The following ITGBL1 variants were observed in gnomAD, a reference collection of about 807,000 sequenced individuals.
ITGBL1 encodes integrin beta-like protein 1.
Under a neutral mutation model 68.5 loss-of-function variants are expected in ITGBL1, and 51 were observed. The ratio of observed to expected loss-of-function variants is 0.74; its 90% CI spans 0.59 to 0.94. The LOEUF (loss-of-function observed/expected upper bound fraction) is 0.94, where lower values mean the gene tolerates loss of function less well. Among genes scored for constraint, ITGBL1 ranks in the 40% least tolerant of loss-of-function variants. The probability of loss-of-function intolerance (pLI) is 0.00; values close to 1 mark genes in which losing one functional copy is unlikely to be tolerated. For missense variants in ITGBL1, 649 were observed against 647.4 expected, an observed-to-expected ratio of 1.00 and a Z score of -0.03; for synonymous variants, 209 against 227.3, an observed-to-expected ratio of 0.92 and a Z score of 0.72.
chr13:101,701,867 G>C (rs1224999255), intron 8 of ITGBL1, among the ~76,000 whole-genome samples: 1 of 152,148 alleles, frequency 6.6e-6, no homozygotes, highest in Non-Finnish European at 1.5e-5. Context: ...TGTTTTATGG[G>C]TGCTTAGTTT....
chr13:101,601,827 A>G (rs1009629928), intron 7 of ITGBL1, among the ~76,000 whole-genome samples: 5 of 152,092 alleles, frequency 3.3e-5, no homozygotes, highest in Non-Finnish European at 5.9e-5. Flanking sequence ...CTGTTCTTTT[A>G]CATTTGCTGA....
At chr13:101,654,610 G>A (rs1393580862) in intron 7 of ITGBL1, among the ~76,000 whole-genome samples, 2 of 152,138 alleles carry the variant, frequency 1.3e-5, no homozygotes, top group African/African-American at 4.8e-5. Flanking sequence ...CTGACTCGAT[G>A]GTGGCATGGG....
intron 2 of ITGBL1, among the ~76,000 whole-genome samples, chr13:101,552,919 T>C (rs1225980005): frequency 6.6e-6 from 1 of 152,214 alleles, no homozygotes; most frequent in African/African-American, 2.4e-5. Context: ...ATGTTCTCTC[T>C]GTCTATGAAA....
At chr13:101,664,022 A>T (rs961803287) in intron 7 of ITGBL1, among the ~76,000 whole-genome samples, 3 of 152,216 alleles carry the variant, frequency 2.0e-5, no homozygotes, top group African/African-American at 4.8e-5. Flanking sequence ...TATAAAGTAC[A>T]TGCAGATTGA....
intron 2 of ITGBL1, among the ~76,000 whole-genome samples, chr13:101,461,575 A>T (rs2048318992): frequency 6.6e-6 from 1 of 152,162 alleles, no homozygotes; most frequent in South Asian, 2.1e-4. Context: ...GGGTGACTGT[A>T]GTGCCAGCTA....
intron 7 of ITGBL1, among the ~76,000 whole-genome samples, chr13:101,652,478 C>T (rs2032783043): frequency 6.6e-6 from 1 of 152,082 alleles, no homozygotes; most frequent in Non-Finnish European, 1.5e-5. Context: ...AGTATAATGC[C>T]AGGAAACTAG....
rs925548892 is a variant in ITGBL1, at chr13:101,577,980, C to A, written c.587-1307C>A. 4.6e-5 allele frequency among the ~76,000 whole-genome samples: 7 copies of A among 152,132 alleles called. No homozygotes were observed. In the East Asian group the frequency reaches 1.4e-3, roughly 29 times the overall value. On this transcript the variant is annotated intron_variant, in intron 4 of 10. Transcript: ENST00000376180. ...AACAAGTGATTTTCTTTGAATATCCCAATTATAACTTATTTAGACAGAGAA... is the reference window on the plus strand; with the variant it reads ...AACAAGTGATTTTCTTTGAATATCCAAATTATAACTTATTTAGACAGAGAA...
chr13:101,685,975 T>C (rs532397549), intron 7 of ITGBL1, among the ~76,000 whole-genome samples: 1 of 152,208 alleles, frequency 6.6e-6, no homozygotes, highest in South Asian at 2.1e-4. Flanking sequence ...GGCCACTGGG[T>C]TGGGGTCATT....
intron 7 of ITGBL1, among the ~76,000 whole-genome samples, chr13:101,647,316 T>C (rs779916679): frequency 3.9e-5 from 6 of 152,324 alleles, no homozygotes; most frequent in Non-Finnish European, 5.9e-5. Flanking sequence ...CCATCTATGA[T>C]GAGAAAATAT....
chr13:101,511,221 G>A lies in ITGBL1; in HGVS notation c.317-56478G>A, dbSNP rs558494175. On this transcript the variant is annotated intron_variant, in intron 2 of 10. Transcript: ENST00000376180. ...AATTTGAAAAAAAAGAAAACTTCAG[G>A]AGTAGAAAGAGAGATGACTTTAATT... 1.0e-3 allele frequency among the ~76,000 whole-genome samples: 154 copies of A among 152,088 alleles called. 1 individual carries two copies. The highest frequency in any genetic ancestry group is 3.6e-3 in the African/African-American group (148 of 41,502).
intron 9 of ITGBL1, among the ~76,000 whole-genome samples, chr13:101,709,156 G>C (rs955012491): frequency 6.6e-6 from 1 of 151,736 alleles, no homozygotes; most frequent in Non-Finnish European, 1.5e-5. Context: ...ATGAGGTCAG[G>C]AGATCGAGAC....
chr13:101,605,054 A>G (rs1185222449), intron 7 of ITGBL1, among the ~76,000 whole-genome samples: 4 of 143,348 alleles, frequency 2.8e-5, no homozygotes, highest in South Asian at 2.1e-4. Context: ...ATATATGTGT[A>G]TATGTGTATA....
At chr13:101,684,601 A>G (rs2033714141) in intron 7 of ITGBL1, among the ~76,000 whole-genome samples, 1 of 151,924 alleles carries the variant, frequency 6.6e-6, no homozygotes, top group Admixed American at 6.6e-5. Context: ...AATCCATATT[A>G]TTTGTTAGTA....
chr13:101,567,750 G>T lies in ITGBL1; in HGVS notation c.368G>T (p.Gly123Val). 6.2e-7 allele frequency: 1 copy of T among 1,613,378 alleles called. No homozygotes were observed. The highest frequency in any genetic ancestry group is 8.5e-7 in the Non-Finnish European group (1 of 1,179,536). Residue 123 changes from glycine to valine, a missense_variant, in exon 3 of 11, where the codon GGG (glycine) becomes GTG (valine). Transcript: ENST00000376180. ...TGCAAGTGTGACCAGGGATGGTATG[G>T]GGATGCTTGCCAGTACCCAACTAAC... Reference protein sequence around the residue: ...GKCKCDQGWYGDACQYPTNCD... With the variant: ...GKCKCDQGWYVDACQYPTNCD...
At chr13:101,585,572 A>C (rs1309788742) in intron 6 of ITGBL1, among the ~76,000 whole-genome samples, 2 of 152,072 alleles carry the variant, frequency 1.3e-5, no homozygotes, top group Non-Finnish European at 2.9e-5. Flanking sequence ...CTGGGGCTAC[A>C]GGTGCCCACC....
At chr13:101,554,085 C>A (rs10467223) in intron 2 of ITGBL1, among the ~76,000 whole-genome samples, 5,108 of 152,180 alleles carry the variant, frequency 0.034, 285 homozygotes, top group African/African-American at 0.12. Flanking sequence ...CCGAGGTTTC[C>A]CCTTTTTATA....
chr13:101,523,038 A>G (rs1016546972), intron 2 of ITGBL1, among the ~76,000 whole-genome samples: 3 of 152,322 alleles, frequency 2.0e-5, no homozygotes, highest in Middle Eastern at 3.4e-3. Flanking sequence ...CTTTTATGCA[A>G]GTTAAAAATG....
intron 6 of ITGBL1, among the ~76,000 whole-genome samples, chr13:101,594,110 A>G (rs922711287): frequency 6.6e-6 from 1 of 152,144 alleles, no homozygotes; most frequent in African/African-American, 2.4e-5. Flanking sequence ...GAACCACAAT[A>G]TACCCCAAAT....
At chr13:101,620,195 C>G (rs1453534748) in intron 7 of ITGBL1, among the ~76,000 whole-genome samples, 2 of 152,000 alleles carry the variant, frequency 1.3e-5, no homozygotes, top group African/African-American at 4.8e-5. Context: ...ATGTCTTTGT[C>G]TAACGTAGAT....
Sources: allele counts gnomAD v4.1 joint callset (sites outside exome capture counted in the v4.1 genomes callset), GRCh38; gene constraint gnomAD v4.1.1; transcripts MANE v1.5; gene names NCBI Gene and HGNC (gene_info 2026-07-23, HGNC 2026-07-21).